Variants in NPHP4 observed in about 807,000 individuals in gnomAD.
The protein encoded by NPHP4 is nephrocystin-4.
In NPHP4, 151 loss-of-function variants were observed where a neutral mutation model predicts 155.8. The observed-to-expected ratio is 0.97, with a 90% CI of 0.85 to 1.11. The LOEUF (loss-of-function observed/expected upper bound fraction) is 1.11, where lower values mean the gene tolerates loss of function less well. Ranked by LOEUF, NPHP4 falls within the 50% of genes least tolerant of loss-of-function variation. The pLI, the probability that NPHP4 is intolerant of heterozygous loss-of-function variation, is 0.00. For synonymous variants in NPHP4, 845 were observed against 816.8 expected, an observed-to-expected ratio of 1.03 and a Z score of -0.59; for missense variants, 1,956 against 1,925.7, an observed-to-expected ratio of 1.02 and a Z score of -0.29.
chr1:5,896,597 G>A (rs922550536), intron 16 of NPHP4, among the ~76,000 whole-genome samples: 1 of 152,202 alleles, frequency 6.6e-6, no homozygotes, highest in Non-Finnish European at 1.5e-5. Flanking sequence ...ACAAATAATA[G>A]AAGGAAATTT....
At chr1:5,915,601 C>T (rs1645430280) in intron 11 of NPHP4, among the ~76,000 whole-genome samples, 1 of 152,134 alleles carries the variant, frequency 6.6e-6, no homozygotes, top group Non-Finnish European at 1.5e-5. Flanking sequence ...AGATCCCAGG[C>T]AGCCCAGGAC....
intron 25 of NPHP4, 114 bp from the exon 26 acceptor site, chr1:5,866,572 G>A (rs1391304627): frequency 5.2e-5 from 36 of 686,126 alleles, no homozygotes; most frequent in Non-Finnish European, 8.3e-5. Context: ...CTCCCAGAAC[G>A]CATCTGTTCA....
At chr1:5,947,771 C>T (rs1271346799) in intron 8 of NPHP4, among the ~76,000 whole-genome samples, 1 of 152,190 alleles carries the variant, frequency 6.6e-6, no homozygotes, top group African/African-American at 2.4e-5. Flanking sequence ...AAACTAATCA[C>T]AGGGCACGCC....
intron 3 of NPHP4, among the ~76,000 whole-genome samples, chr1:5,976,905 C>T (rs1211187974): frequency 1.3e-5 from 2 of 152,114 alleles, no homozygotes; most frequent in Non-Finnish European, 2.9e-5. Context: ...GGGAAAGGCA[C>T]ACCTGGGCAG....
intron 8 of NPHP4, among the ~76,000 whole-genome samples, chr1:5,947,589 G>A (rs1647177155): frequency 6.6e-6 from 1 of 152,212 alleles, no homozygotes; most frequent in Non-Finnish European, 1.5e-5. Flanking sequence ...ACAGAGGATG[G>A]AGGCTCCTTC....
Position 5,907,904 on chromosome 1 carries a change from C to G in NPHP4, c.1504-682G>C, listed in dbSNP as rs372359558. On this transcript the variant is annotated intron_variant, in intron 12 of 29. Transcript: ENST00000378156. Reference sequence around the variant, plus strand: ...CACGGTGAGCCTTCTATAAATACTGCAGATATTTGGAAATGAGTGCGGCTT... The same window carrying G: ...CACGGTGAGCCTTCTATAAATACTGGAGATATTTGGAAATGAGTGCGGCTT... 1.2e-4 allele frequency among the ~76,000 whole-genome samples: 18 copies of G among 152,332 alleles called. No individual in the cohort carries two copies. The East Asian group carries it at 3.3e-3, about 28-fold the overall frequency.
intron 2 of NPHP4, among the ~76,000 whole-genome samples, chr1:5,983,687 A>G (rs1427211179): frequency 1.3e-5 from 2 of 152,170 alleles, no homozygotes; most frequent in Non-Finnish European, 2.9e-5. Flanking sequence ...GAGACTCTTC[A>G]AACCTGGGAG....
chr1:5,907,088 G>T, intron 13 of NPHP4, 27 bp downstream of exon 13: 2 of 1,325,830 alleles, frequency 1.5e-6, no homozygotes, highest in Non-Finnish European at 2.1e-6. Flanking sequence ...TTGGTGGAAG[G>T]CAAGGCGGCA....
chr1:5,938,798 A>T (rs1204715844), intron 9 of NPHP4, among the ~76,000 whole-genome samples: 2 of 152,260 alleles, frequency 1.3e-5, no homozygotes, highest in Admixed American at 1.3e-4. Flanking sequence ...TTATTTCTAA[A>T]CAGAACATCA....
rs745481250 is a variant in NPHP4, at chr1:5,905,228, G to A, written c.1955+64C>T. Reference sequence around the variant, plus strand: ...AGTTCTGCCAGGTCAGAACCTCAGCGAAGTTTCTCTTCAACACAGGAAATG... The same window carrying A: ...AGTTCTGCCAGGTCAGAACCTCAGCAAAGTTTCTCTTCAACACAGGAAATG... On this transcript the variant is annotated intron_variant, in intron 15 of 29. Coordinates refer to ENST00000378156, the MANE Select transcript of NPHP4 (RefSeq NM_015102.5). The surrounding 1 kb of genome is among the most constrained non-coding windows in gnomAD (Gnocchi z 4.0). 3.4e-5 allele frequency: 46 copies of A among 1,341,592 alleles called. No individual in the cohort carries two copies. In the Middle Eastern group the frequency reaches 7.2e-4, roughly 21 times the overall value. The allele number at this position is 1,341,592 out of a possible 1,614,324, so 83.1% of individuals were successfully genotyped here.
chr1:5,946,433 C>G (rs545957138), intron 9 of NPHP4, among the ~76,000 whole-genome samples: 2 of 152,166 alleles, frequency 1.3e-5, no homozygotes, highest in African/African-American at 4.8e-5. Context: ...TATAAAAATA[C>G]ATTAAAATGG....
chr1:5,905,869 C>T lies in NPHP4; in HGVS notation c.1612-86G>A. ...GGTGCTCAGATCTAAGGGGATTCAT[C>T]GATTAATTGCCTCTGGAGGGTTGCC... is the stretch of plus-strand genomic sequence containing the variant. On this transcript the variant is annotated intron_variant, in intron 13 of 29. Coordinates refer to ENST00000378156, the MANE Select transcript of NPHP4 (RefSeq NM_015102.5). The surrounding 1 kb of genome is among the most constrained non-coding windows in gnomAD (Gnocchi z 4.0). 2.3e-6 allele frequency: 3 copies of T among 1,296,910 alleles called. No homozygotes were observed. The highest frequency in any genetic ancestry group is 3.2e-6 in the Non-Finnish European group (3 of 940,506). The allele number at this position is 1,296,910 out of a possible 1,614,324, so 80.3% of individuals were successfully genotyped here. A position where few individuals can be genotyped will look rare whatever the true frequency, so the allele number is the denominator to read the frequency against.
rs1412960310 is a variant in NPHP4, at chr1:5,877,290, C to T, written c.2620G>A (p.Val874Met). ...TCCGCCAGCTTCTGTGCTTGCACCACGTGTTTTCCTGCGAAAGGGTCAGAG... is the reference window on the plus strand; with the variant it reads ...TCCGCCAGCTTCTGTGCTTGCACCATGTGTTTTCCTGCGAAAGGGTCAGAG... Reference protein sequence around the residue: ...LTTGSSRRKHVVQAQKLADVD... With the variant: ...LTTGSSRRKHMVQAQKLADVD... Residue 874 changes from valine to methionine, a missense_variant, in exon 20 of 30, where the codon GTG becomes ATG. Val to Met is a conservative substitution (Grantham distance 21). Transcript: ENST00000378156. The T allele has an allele frequency of 1.8e-5, 29 of 1,592,360 alleles. No individual in the cohort carries two copies. Among genetic ancestry groups the T allele is most frequent in the Admixed American group, 8.4e-5 (5 of 59,290 alleles).
chr1:5,911,301 C>T (rs1399429695), intron 11 of NPHP4, among the ~76,000 whole-genome samples: 1 of 152,176 alleles, frequency 6.6e-6, no homozygotes, highest in Non-Finnish European at 1.5e-5. Flanking sequence ...AAAGATGACA[C>T]AGCAGAGTGG....
rs933460121 is a variant in NPHP4 at position 5,866,420 on chromosome 1, G to A, written c.3597C>T (p.Ala1199=). Residue 1199 remains alanine, a synonymous_variant, in exon 26 of 30, where the codon GCC becomes GCT. Transcript: ENST00000378156. ...CTTTGATCTCCGGGCTTGGACCACT[G>A]GCCACCTTCAGAAATATGTCCCGTG... ...GEPRDIFLKV[A]SGPSPEIKDF... is the part of the protein sequence containing the mutation. 2 of 1,608,174 alleles carry A rather than the reference G, an allele frequency of 1.2e-6. No homozygotes were observed. The highest frequency in any genetic ancestry group is 2.2e-5 in the East Asian group (1 of 44,722).
At chr1:5,978,507 G>T in intron 2 of NPHP4, 94 bp from the exon 3 acceptor site, 1 of 1,199,972 alleles carries the variant, frequency 8.3e-7, no homozygotes, top group Non-Finnish European at 1.2e-6. Context: ...GGGCCACCTC[G>T]CTCAGATATC....
intron 11 of NPHP4, among the ~76,000 whole-genome samples, chr1:5,915,496 T>C (rs1645425589): frequency 1.3e-5 from 2 of 152,116 alleles, no homozygotes; most frequent in African/African-American, 2.4e-5. Context: ...TCCTAAGAGT[T>C]TGAAAACAGG....
chr1:5,905,500 C>T lies in NPHP4; in HGVS notation c.1764-17G>A. Reference sequence around the variant, plus strand: ...CCTGCAGAGCTGAGACACAGAGACTCCTCAGGTAGCCTCCCGGGAAAGGGG... The same window carrying T: ...CCTGCAGAGCTGAGACACAGAGACTTCTCAGGTAGCCTCCCGGGAAAGGGG... On this transcript the variant is annotated splice_polypyrimidine_tract_variant and intron_variant, in intron 14 of 29. Coordinates refer to ENST00000378156, the MANE Select transcript of NPHP4 (RefSeq NM_015102.5). The surrounding 1 kb of genome is among the most constrained non-coding windows in gnomAD (Gnocchi z 4.0). 6.3e-7 allele frequency: 1 copy of T among 1,598,358 alleles called. No homozygotes were observed. Among genetic ancestry groups the T allele is most frequent in the Non-Finnish European group, 8.6e-7 (1 of 1,168,570 alleles).
chr1:5,883,649 T>C (rs1643510479), intron 18 of NPHP4, among the ~76,000 whole-genome samples: 1 of 152,130 alleles, frequency 6.6e-6, no homozygotes, highest in East Asian at 1.9e-4. Flanking sequence ...GGCACCTCCC[T>C]TCACTGTGGG....
Sources: allele counts gnomAD v4.1 joint callset (sites outside exome capture counted in the v4.1 genomes callset), GRCh38; gene constraint gnomAD v4.1.1; non-coding constraint Gnocchi (gnomAD v3.1); transcripts MANE v1.5; gene names NCBI Gene and HGNC (gene_info 2026-07-23, HGNC 2026-07-21).